The following AK8 variants were observed in gnomAD, a reference collection of about 807,000 sequenced individuals.
AK8 encodes adenylate kinase 8, also known as ATP-AMP transphosphorylase 8.
In AK8, 44 loss-of-function variants were observed where a neutral mutation model predicts 54.6. The ratio of observed to expected loss-of-function variants is 0.81; its 90% CI spans 0.63 to 1.04. AK8 has a LOEUF of 1.04. Among genes scored for constraint, AK8 ranks in the 50% least tolerant of loss-of-function variants. The probability of loss-of-function intolerance (pLI) is 0.00; values close to 1 mark genes in which losing one functional copy is unlikely to be tolerated. For synonymous variants in AK8, 239 were observed against 245.6 expected, an observed-to-expected ratio of 0.97 and a Z score of 0.25; for missense variants, 555 against 613.6, an observed-to-expected ratio of 0.90 and a Z score of 1.01.
chr9:132,738,026 A>G (rs574969047), intron 11 of AK8, among the ~76,000 whole-genome samples: 2 of 151,074 alleles, frequency 1.3e-5, no homozygotes, highest in East Asian at 3.9e-4. Context: ...CTAAATAAAT[A>G]TTTAGCACAA....
chr9:132,832,419 C>T (rs527936255), intron 5 of AK8, among the ~76,000 whole-genome samples: 20 of 152,302 alleles, frequency 1.3e-4, no homozygotes, highest in Admixed American at 9.2e-4. Context: ...AACCAGGAGA[C>T]GCAGCGTCTG....
chr9:132,845,973 T>A (rs1429483381), intron 5 of AK8, among the ~76,000 whole-genome samples: 1 of 152,158 alleles, frequency 6.6e-6, no homozygotes, highest in East Asian at 1.9e-4. Context: ...CTTGTTAGAT[T>A]CTGGAGTGGG....
At chr9:132,761,249 TTTTTC>T (rs368919813) in intron 11 of AK8, among the ~76,000 whole-genome samples, 28 of 145,628 alleles carry the variant, frequency 1.9e-4, no homozygotes, top group South Asian at 6.3e-4. Context: ...TTCTATTTCT[TTTTTC>T]TTTTCTTTTC....
intron 1 of AK8, among the ~76,000 whole-genome samples, chr9:132,876,731 G>A (rs1018666243): frequency 6.6e-6 from 1 of 152,040 alleles, no homozygotes; most frequent in Non-Finnish European, 1.5e-5. Flanking sequence ...AAAATCAAAA[G>A]TATAAAAAAT....
At chr9:132,777,610 A>G (rs2131113187) in intron 11 of AK8, among the ~76,000 whole-genome samples, 1 of 152,270 alleles carries the variant, frequency 6.6e-6, no homozygotes, top group African/African-American at 2.4e-5. Context: ...AAATATGTCC[A>G]TTAGCCCAGC....
intron 5 of AK8, among the ~76,000 whole-genome samples, chr9:132,838,442 G>A (rs527686611): frequency 1.6e-4 from 24 of 152,256 alleles, no homozygotes; most frequent in Admixed American, 3.9e-4. Flanking sequence ...AAACACCCCC[G>A]GCCAGTACAG....
intron 10 of AK8, among the ~76,000 whole-genome samples, chr9:132,793,226 A>G (rs1413518414): frequency 6.6e-6 from 1 of 152,144 alleles, no homozygotes; most frequent in Non-Finnish European, 1.5e-5. Flanking sequence ...AGGGGTGAGA[A>G]GTCTCTCTGG....
chr9:132,814,798 C>T, intron 9 of AK8, 71 bp from the exon 10 acceptor site: 1 of 1,358,068 alleles, frequency 7.4e-7, no homozygotes, highest in Non-Finnish European at 1.0e-6. Context: ...AAAAAGAACC[C>T]CCAGTGCTGC....
At chr9:132,748,400 G>T (rs1837753823) in intron 11 of AK8, among the ~76,000 whole-genome samples, 1 of 151,482 alleles carries the variant, frequency 6.6e-6, no homozygotes, top group African/African-American at 2.4e-5. Context: ...CCACTGAGAA[G>T]GACAAAGAGT....
rs190050113 is a variant in AK8 at position 132,766,106 on chromosome 9, T to C, written c.1121+26528A>G. ...CCCAATTACCATTGTTACAAAACAATACCTAAGAATAAATTTTCTTTTTGA... is the reference window on the plus strand; with the variant it reads ...CCCAATTACCATTGTTACAAAACAACACCTAAGAATAAATTTTCTTTTTGA... On this transcript the variant is annotated intron_variant, in intron 11 of 12. Transcript: ENST00000298545. 3.6e-3 allele frequency among the ~76,000 whole-genome samples: 541 copies of C among 152,292 alleles called. 5 individuals carry two copies. The highest frequency in any genetic ancestry group is 0.012 in the African/African-American group (516 of 41,554).
chr9:132,806,435 A>G (rs1840728341), intron 10 of AK8, among the ~76,000 whole-genome samples: 1 of 152,222 alleles, frequency 6.6e-6, no homozygotes, highest in Non-Finnish European at 1.5e-5. Context: ...TTAGAGAGTC[A>G]TGCGCTGTCT....
intron 10 of AK8, among the ~76,000 whole-genome samples, chr9:132,813,607 G>C (rs1322956648): frequency 1.3e-5 from 2 of 152,218 alleles, no homozygotes; most frequent in Non-Finnish European, 2.9e-5. Flanking sequence ...GTGTGGGTGC[G>C]TGAGTGGGAA....
chr9:132,846,154 A>ATTAC (rs1224197455), intron 5 of AK8, among the ~76,000 whole-genome samples: 4 of 152,212 alleles, frequency 2.6e-5, no homozygotes, highest in African/African-American at 9.7e-5. Context: ...ACTTGTAAAA[A>ATTAC]TTACTTACAC....
intron 11 of AK8, among the ~76,000 whole-genome samples, chr9:132,765,333 T>C (rs1475156410): frequency 7.2e-6 from 1 of 138,170 alleles, no homozygotes; most frequent in East Asian, 2.2e-4. Flanking sequence ...ACCATAATCA[T>C]GTGGTGCATC....
chr9:132,755,513 G>A (rs1037436323), intron 11 of AK8, among the ~76,000 whole-genome samples: 30 of 152,226 alleles, frequency 2.0e-4, no homozygotes, highest in African/African-American at 7.0e-4. Flanking sequence ...TGGAGGGCAG[G>A]ACTGCGCCTC....
intron 11 of AK8, among the ~76,000 whole-genome samples, chr9:132,735,350 C>CCCAAT (rs1837052392): frequency 6.6e-6 from 1 of 152,152 alleles, no homozygotes; most frequent in Non-Finnish European, 1.5e-5. Context: ...GATCCATGGA[C>CCCAAT]GGATTGGGTA....
At chr9:132,830,865 C>G (rs994377658) in intron 5 of AK8, among the ~76,000 whole-genome samples, 1 of 152,222 alleles carries the variant, frequency 6.6e-6, no homozygotes, top group African/African-American at 2.4e-5. Flanking sequence ...AAAGCTGATA[C>G]ATATTCACTT....
At chr9:132,825,268 A>C (rs1036198809) in intron 8 of AK8, among the ~76,000 whole-genome samples, 8 of 152,184 alleles carry the variant, frequency 5.3e-5, no homozygotes, top group African/African-American at 1.7e-4. Context: ...GAAAAACAAC[A>C]CAGAGAGAAT....
intron 11 of AK8, among the ~76,000 whole-genome samples, chr9:132,787,454 C>A (rs1588130400): frequency 2.0e-5 from 3 of 152,130 alleles, no homozygotes; most frequent in South Asian, 4.1e-4. Context: ...ACTGGAAATT[C>A]AAAATTCCAC....
Sources: allele counts gnomAD v4.1 joint callset (sites outside exome capture counted in the v4.1 genomes callset), GRCh38; gene constraint gnomAD v4.1.1; transcripts MANE v1.5; gene names NCBI Gene and HGNC (gene_info 2026-07-23, HGNC 2026-07-21).